Variants in RYR2 observed in about 807,000 individuals in gnomAD.
RYR2 encodes ryanodine receptor 2.
Under a neutral mutation model 601.1 loss-of-function variants are expected in RYR2, and 227 were observed. The observed-to-expected ratio is 0.38, with a 90% CI of 0.34 to 0.42. RYR2 has a LOEUF of 0.42. Among genes scored for constraint, RYR2 ranks in the 10% least tolerant of loss-of-function variants. The pLI is 1.00. For missense variants in RYR2, 4,646 were observed against 6,156.5 expected (o/e 0.75, Z 8.21); for synonymous variants, 2,223 against 2,175.1 (o/e 1.02, Z -0.61).
chr1:237,814,762 G>C (rs1429586563), intron 100 of RYR2, among the ~76,000 whole-genome samples: 1 of 152,020 alleles, frequency 6.6e-6, no homozygotes, highest in Non-Finnish European at 1.5e-5. Context: ...GATGGAGAGG[G>C]ACCCCCTGAA....
chr1:237,466,681 C>G (rs1660120122), intron 16 of RYR2, among the ~76,000 whole-genome samples: 1 of 151,798 alleles, frequency 6.6e-6, no homozygotes, highest in African/African-American at 2.4e-5. Context: ...TTCTTTTCCT[C>G]TATTTCAAAA....
chr1:237,130,218 T>C (rs1329123934), intron 1 of RYR2, among the ~76,000 whole-genome samples: 1 of 152,198 alleles, frequency 6.6e-6, no homozygotes, highest in East Asian at 1.9e-4. Flanking sequence ...TATACATAAT[T>C]TTTATTTGTG....
At chr1:237,828,703 C>T (rs55873552) in intron 102 of RYR2, among the ~76,000 whole-genome samples, 2 of 152,134 alleles carry the variant, frequency 1.3e-5, no homozygotes, top group African/African-American at 2.4e-5. Context: ...ACTATTCATT[C>T]GAAACCAAAG....
Position 237,655,978 on chromosome 1 carries a change from C to T in RYR2, c.8123C>T (p.Thr2708Ile), listed in dbSNP as rs1683206930. 6.2e-7 allele frequency: 1 copy of T among 1,612,764 alleles called. No homozygotes were observed. Among genetic ancestry groups the T allele is most frequent in the Non-Finnish European group, 8.5e-7 (1 of 1,179,376 alleles). ...EGNFNPQPVD[T>I]SNITIPEKLE... ...AACTTTAACCCACAACCTGTTGATA[C>T]CTCAAAGTATGGACTCTTTCTATTG... The change falls in exon 53 of 105, where the codon ACC becomes ATC. Residue 2708 changes from threonine to isoleucine, a missense_variant. Transcript: ENST00000366574.
At chr1:237,672,744 C>T (rs1685064739) in intron 58 of RYR2, among the ~76,000 whole-genome samples, 1 of 152,178 alleles carries the variant, frequency 6.6e-6, no homozygotes, top group Non-Finnish European at 1.5e-5. Context: ...AACTTAGTAA[C>T]ATATTCTATA....
At chr1:237,154,407 T>A (rs1258447555) in intron 1 of RYR2, among the ~76,000 whole-genome samples, 1 of 152,220 alleles carries the variant, frequency 6.6e-6, no homozygotes, top group Non-Finnish European at 1.5e-5. Context: ...GATGAAGATA[T>A]CCCTTGCAAG....
chr1:237,776,232 T>C (rs184645064), intron 87 of RYR2, among the ~76,000 whole-genome samples: 1 of 152,276 alleles, frequency 6.6e-6, no homozygotes, highest in East Asian at 1.9e-4. Context: ...TAAAGATCTA[T>C]TGCTTTCAAA....
At chr1:237,155,935 T>C (rs2148834717) in intron 1 of RYR2, among the ~76,000 whole-genome samples, 1 of 152,298 alleles carries the variant, frequency 6.6e-6, no homozygotes, top group East Asian at 1.9e-4. Flanking sequence ...TGAGAGCCTG[T>C]AAGTATTTTT....
chr1:237,061,283 CTATCTATCTATCT>C (rs1196807185), intron 1 of RYR2, among the ~76,000 whole-genome samples: 120 of 38,542 alleles, frequency 3.1e-3, no homozygotes, highest in South Asian at 0.01. Flanking sequence ...TATCATCTAT[CTATCTATCTATCT>C]ATCTATCTAT....
At chr1:237,506,448 G>A (rs561828437) in intron 22 of RYR2, among the ~76,000 whole-genome samples, 2 of 152,052 alleles carry the variant, frequency 1.3e-5, no homozygotes, top group South Asian at 4.1e-4. Flanking sequence ...TGAGGCAGGA[G>A]AATGGTGTGA....
At chr1:237,573,823 G>A (rs2805402) in intron 29 of RYR2, among the ~76,000 whole-genome samples, 92,467 of 151,232 alleles carry the variant, frequency 0.61, 29,968 homozygotes, top group Non-Finnish European at 0.71. Flanking sequence ...GAAAAAAAAT[G>A]AAAATAAAAA....
chr1:237,061,464 T>C (rs906180872), intron 1 of RYR2, among the ~76,000 whole-genome samples: 2 of 152,096 alleles, frequency 1.3e-5, no homozygotes, highest in African/African-American at 4.8e-5. Flanking sequence ...ACTACAAGTG[T>C]ACAACCATGC....
intron 1 of RYR2, among the ~76,000 whole-genome samples, chr1:237,167,879 A>G (rs1676899482): frequency 1.3e-5 from 2 of 152,130 alleles, no homozygotes; most frequent in South Asian, 4.1e-4. Context: ...GGCACATGCC[A>G]CTATGCCAGT....
In RYR2 at chr1:237,502,618, A is replaced by T. The variant is rs114131433; in HGVS notation, c.2397-671A>T. Among the ~76,000 whole-genome samples the T allele has an allele frequency of 1.8e-3, 272 of 152,194 alleles. 2 individuals are homozygous for T. Among genetic ancestry groups the T allele is most frequent in the African/African-American group, 6.2e-3 (259 of 41,538 alleles). On this transcript the variant is annotated intron_variant, in intron 21 of 104. Coordinates refer to ENST00000366574, the MANE Select transcript of RYR2 (RefSeq NM_001035.3). ...AGTTCACAATAGGGTTCGCACTCCT[A>T]TGAAAATCTAAGGCCACTGCTGATC...
At chr1:237,745,861 T>C (rs1387829439) in intron 80 of RYR2, among the ~76,000 whole-genome samples, 2 of 151,882 alleles carry the variant, frequency 1.3e-5, no homozygotes, top group Admixed American at 1.3e-4. Context: ...GCCACACATT[T>C]ATAGGTGTAA....
intron 7 of RYR2, among the ~76,000 whole-genome samples, chr1:237,376,473 G>A (rs1701043423): frequency 6.6e-6 from 1 of 151,790 alleles, no homozygotes; most frequent in East Asian, 1.9e-4. Flanking sequence ...AAAGAGTTAT[G>A]GAAACACCAT....
At chr1:237,155,178 T>TC (rs1675170599) in intron 1 of RYR2, among the ~76,000 whole-genome samples, 3 of 57,494 alleles carry the variant, frequency 5.2e-5, no homozygotes, top group African/African-American at 8.2e-5. Flanking sequence ...TTTTTTCTTT[T>TC]CTTTTTTTTT....
chr1:237,404,805 A>G (rs1413461560), intron 10 of RYR2, among the ~76,000 whole-genome samples: 2 of 152,224 alleles, frequency 1.3e-5, no homozygotes, highest in South Asian at 4.1e-4. Flanking sequence ...TTCTTCTGCC[A>G]TGATTGATGA....
intron 19 of RYR2, among the ~76,000 whole-genome samples, chr1:237,493,869 G>A (rs547202616): frequency 6.6e-6 from 1 of 152,158 alleles, no homozygotes; most frequent in Non-Finnish European, 1.5e-5. Context: ...GCCTTCCAAG[G>A]CACCTAACGT....
Sources: allele counts gnomAD v4.1 joint callset (sites outside exome capture counted in the v4.1 genomes callset), GRCh38; gene constraint gnomAD v4.1.1; transcripts MANE v1.5; gene names NCBI Gene and HGNC (gene_info 2026-07-23, HGNC 2026-07-21).